PRKD1: variants seen among roughly 807,000 people sequenced by gnomAD.
PRKD1 encodes the protein serine/threonine-protein kinase D1.
PRKD1 carries 63 observed loss-of-function variants against 95.9 expected under a neutral mutation model. The observed-to-expected ratio is 0.66, with a 90% confidence interval of 0.54 to 0.81. The LOEUF is 0.81. Among genes scored for constraint, PRKD1 ranks in the 30% least tolerant of loss-of-function variants. The pLI, the probability that PRKD1 is intolerant of heterozygous loss-of-function variation, is 0.00. For missense variants in PRKD1, 1,048 were observed against 1,165.3 expected (o/e 0.90, Z 1.47); for synonymous variants, 425 against 423.1 (o/e 1.00, Z -0.05).
At chr14:29,676,588 C>T (rs189652691) in intron 2 of PRKD1, among the ~76,000 whole-genome samples, 10 of 152,242 alleles carry the variant, frequency 6.6e-5, no homozygotes, top group Admixed American at 1.3e-4. Flanking sequence ...CTCCTGACCT[C>T]GTGATCTGCC....
At chr14:29,833,290 C>G (rs1566626599) in intron 1 of PRKD1, among the ~76,000 whole-genome samples, 1 of 151,936 alleles carries the variant, frequency 6.6e-6, no homozygotes. Flanking sequence ...AGTTGTGTAA[C>G]CACAGGTAAA....
At chr14:29,901,962 T>C (rs1378812379) in intron 1 of PRKD1, among the ~76,000 whole-genome samples, 1 of 152,192 alleles carries the variant, frequency 6.6e-6, no homozygotes, top group Non-Finnish European at 1.5e-5. Context: ...GTTTGACACA[T>C]ACAAACTCAA....
chr14:29,754,608 C>A (rs187972366), intron 1 of PRKD1, among the ~76,000 whole-genome samples: 15 of 152,038 alleles, frequency 9.9e-5, no homozygotes, highest in African/African-American at 3.6e-4. Flanking sequence ...TATGGTTTAA[C>A]TCTTTATCAT....
chr14:29,851,071 G>A (rs1227630172), intron 1 of PRKD1, among the ~76,000 whole-genome samples: 2 of 150,384 alleles, frequency 1.3e-5, no homozygotes, highest in Non-Finnish European at 3.0e-5. Flanking sequence ...ATTGGACCCT[G>A]AACTAAAGAT....
intron 2 of PRKD1, among the ~76,000 whole-genome samples, chr14:29,687,591 C>T (rs756284616): frequency 2.6e-5 from 4 of 152,154 alleles, no homozygotes; most frequent in Admixed American, 6.5e-5. Context: ...ACTTACTTGG[C>T]GTGGAGAAGT....
intron 4 of PRKD1, among the ~76,000 whole-genome samples, chr14:29,649,078 T>C (rs1345821521): frequency 6.6e-6 from 1 of 152,228 alleles, no homozygotes; most frequent in Non-Finnish European, 1.5e-5. Flanking sequence ...CTGCTGTAGT[T>C]GGGCTGCCTT....
intron 4 of PRKD1, among the ~76,000 whole-genome samples, chr14:29,652,484 C>T (rs972110881): frequency 3.9e-5 from 6 of 152,134 alleles, no homozygotes; most frequent in African/African-American, 1.2e-4. Context: ...ATAACAGTAA[C>T]TCAAAGCAGG....
At chr14:29,609,314 A>C (rs1479876835) in intron 13 of PRKD1, among the ~76,000 whole-genome samples, 1 of 152,116 alleles carries the variant, frequency 6.6e-6, no homozygotes, top group Non-Finnish European at 1.5e-5. Context: ...CAAGAAAGGG[A>C]GTCAACCTTG....
chr14:29,706,196 T>C (rs545162087), intron 2 of PRKD1, among the ~76,000 whole-genome samples: 201 of 152,288 alleles, frequency 1.3e-3, no homozygotes, highest in African/African-American at 4.8e-3. Context: ...TAATGACGAA[T>C]GATGCTGAGC....
chr14:29,864,320 A>T (rs935496043), intron 1 of PRKD1, among the ~76,000 whole-genome samples: 1 of 152,080 alleles, frequency 6.6e-6, no homozygotes, highest in Non-Finnish European at 1.5e-5. Flanking sequence ...AAAAGTCTTA[A>T]AGGTTTCCTG....
In PRKD1 at chr14:29,680,352, A is replaced by G. The variant is rs77270152; in HGVS notation, c.404-14144T>C. Reference sequence around the variant, plus strand: ...AACAGAGAAGTGTCAGTGTCTAGTGAGTATTGTTTAGGAGGATATAATGGG... The same window carrying G: ...AACAGAGAAGTGTCAGTGTCTAGTGGGTATTGTTTAGGAGGATATAATGGG... On this transcript the variant is annotated intron_variant, in intron 2 of 17. Transcript: ENST00000331968. Among the ~76,000 whole-genome samples, 708 of 152,264 alleles carry G rather than the reference A, an allele frequency of 4.6e-3. 1 individual carries two copies. Among genetic ancestry groups the G allele is most frequent in the Non-Finnish European group, 7.3e-3 (496 of 68,020 alleles).
chr14:29,593,844 T>C (rs913995645), intron 16 of PRKD1, among the ~76,000 whole-genome samples: 3 of 152,214 alleles, frequency 2.0e-5, no homozygotes, highest in Admixed American at 6.5e-5. Flanking sequence ...AGCAGGCATA[T>C]ATGCAGAATG....
At chr14:29,734,434 T>C (rs1043639645) in intron 1 of PRKD1, among the ~76,000 whole-genome samples, 2 of 152,136 alleles carry the variant, frequency 1.3e-5, no homozygotes, top group Admixed American at 6.5e-5. Context: ...ATATTGACAT[T>C]TGTCTTGGCA....
intron 2 of PRKD1, 62 bp from the exon 3 acceptor site, chr14:29,666,270 T>C (rs1021376473): frequency 6.0e-6 from 9 of 1,500,122 alleles, no homozygotes; most frequent in Middle Eastern, 1.8e-4. Flanking sequence ...AAATAAAAAG[T>C]ATGCAAGATA....
chr14:29,885,379 A>G (rs1362523551), intron 1 of PRKD1, among the ~76,000 whole-genome samples: 1 of 152,126 alleles, frequency 6.6e-6, no homozygotes, highest in Admixed American at 6.5e-5. Context: ...AAACAGTGCA[A>G]TTCTTTTGAC....
At chr14:29,737,975 C>A (rs761644381) in intron 1 of PRKD1, among the ~76,000 whole-genome samples, 1 of 152,126 alleles carries the variant, frequency 6.6e-6, no homozygotes, top group Non-Finnish European at 1.5e-5. Flanking sequence ...GTGATTATCA[C>A]GTATGTAGCA....
rs973259553 is a variant in PRKD1, at chr14:29,910,429, C to T, written c.264+16820G>A. Among the ~76,000 whole-genome samples the T allele has an allele frequency of 2.4e-4, 37 of 152,064 alleles. 1 individual carries two copies. Among genetic ancestry groups the T allele is most frequent in the African/African-American group, 8.0e-4 (33 of 41,406 alleles). Reference sequence around the variant, plus strand: ...AACTGTAACACTCAACGCGAGGGTCCGTGGCTTCATTGTTGAAGTCAGCGA... The same window carrying T: ...AACTGTAACACTCAACGCGAGGGTCTGTGGCTTCATTGTTGAAGTCAGCGA... On this transcript the variant is annotated intron_variant, in intron 1 of 17. Transcript: ENST00000331968.
At chr14:29,590,147 A>C (rs2138983841) in intron 16 of PRKD1, among the ~76,000 whole-genome samples, 1 of 152,350 alleles carries the variant, frequency 6.6e-6, no homozygotes. Flanking sequence ...CCATATGTTT[A>C]GAAATTGAAA....
intron 1 of PRKD1, among the ~76,000 whole-genome samples, chr14:29,863,528 G>T (rs570778610): frequency 6.6e-6 from 1 of 152,194 alleles, no homozygotes; most frequent in Non-Finnish European, 1.5e-5. Context: ...AACAAGCATG[G>T]ATTTTAGACT....
Sources: allele counts gnomAD v4.1 joint callset (sites outside exome capture counted in the v4.1 genomes callset), GRCh38; gene constraint gnomAD v4.1.1; transcripts MANE v1.5; gene names NCBI Gene and HGNC (gene_info 2026-07-23, HGNC 2026-07-21).